Variants in NUGGC observed in about 807,000 individuals in gnomAD.
NUGGC encodes nuclear GTPase, germinal center associated.
Under a neutral mutation model 92.6 loss-of-function variants are expected in NUGGC, and 58 were observed. The observed-to-expected ratio is 0.63, with a 90% CI of 0.51 to 0.78. NUGGC has a LOEUF of 0.78. Among genes scored for constraint, NUGGC ranks in the 30% least tolerant of loss-of-function variants. NUGGC has a pLI of 0.00. For synonymous variants in NUGGC, 376 were observed against 366.4 expected (o/e 1.03, Z -0.30); for missense variants, 925 against 964.6 (o/e 0.96, Z 0.54).
At chr8:28,081,793 G>A (rs1448837396) in intron 1 of NUGGC, among the ~76,000 whole-genome samples, 1 of 151,574 alleles carries the variant, frequency 6.6e-6, no homozygotes, top group Non-Finnish European at 1.5e-5. Flanking sequence ...CAGAGGAATC[G>A]CTTGAACCCG....
chr8:28,048,947 G>C (rs1173715622), intron 10 of NUGGC, among the ~76,000 whole-genome samples: 1 of 151,284 alleles, frequency 6.6e-6, no homozygotes, highest in Non-Finnish European at 1.5e-5. Context: ...TCGTGGAGAA[G>C]TCATACTAGA....
chr8:28,061,834 T>C (rs1045375179), intron 7 of NUGGC, among the ~76,000 whole-genome samples: 3 of 152,268 alleles, frequency 2.0e-5, no homozygotes, highest in Non-Finnish European at 4.4e-5. Flanking sequence ...CTAAACATTC[T>C]TCAATGCCCA....
chr8:28,025,443 T>C (rs1448337079), intron 18 of NUGGC, among the ~76,000 whole-genome samples: 1 of 151,974 alleles, frequency 6.6e-6, no homozygotes, highest in African/African-American at 2.4e-5. Context: ...AGAGACAGAG[T>C]GGTTATTCAG....
intron 1 of NUGGC, among the ~76,000 whole-genome samples, chr8:28,080,930 A>G (rs1428191287): frequency 6.6e-6 from 1 of 152,134 alleles, no homozygotes; most frequent in Non-Finnish European, 1.5e-5. Context: ...CCTGCTCCCA[A>G]TCTTCAATGC....
In NUGGC at chr8:28,070,366, A is replaced by T. The variant is rs1248391106; in HGVS notation, c.44-10T>A. On this transcript the variant is annotated splice_polypyrimidine_tract_variant and intron_variant, in intron 2 of 18. Transcript: ENST00000413272. ...TATAAATCATCTTCAACTAGAGATA[A>T]ACAGAGGATATATAAGATTATAGGT... 7.5e-7 allele frequency: 1 copy of T among 1,335,684 alleles called. No homozygotes were observed. Among genetic ancestry groups the T allele is most frequent in the Admixed American group, 2.0e-5 (1 of 50,256 alleles). The allele number at this position is 1,335,684 out of a possible 1,614,324, so 82.7% of individuals were successfully genotyped here. A position where few individuals can be genotyped will look rare whatever the true frequency, so the allele number is the denominator to read the frequency against.
chr8:28,051,260 AAATGCTAAAGGGAGT>A (rs1809994154), intron 10 of NUGGC, among the ~76,000 whole-genome samples: 2 of 152,208 alleles, frequency 1.3e-5, no homozygotes, highest in South Asian at 4.1e-4. Context: ...AATGTTTTTT[AAATGCTAAAGGGAGT>A]AATGCTAAAG....
chr8:28,038,056 CA>C (rs1809600769), intron 13 of NUGGC, among the ~76,000 whole-genome samples: 1 of 152,146 alleles, frequency 6.6e-6, no homozygotes. Context: ...GAATGGGGCC[CA>C]TGGAGGCACT....
chr8:28,024,837 C>T (rs1015434606), intron 18 of NUGGC, among the ~76,000 whole-genome samples: 4 of 152,182 alleles, frequency 2.6e-5, no homozygotes, highest in African/African-American at 7.2e-5. Context: ...GACGCTTCCC[C>T]GCGTCCCAGC....
chr8:28,074,063 T>A (rs1331990194), intron 2 of NUGGC, among the ~76,000 whole-genome samples: 1 of 151,974 alleles, frequency 6.6e-6, no homozygotes, highest in East Asian at 1.9e-4. Context: ...CCTCCCAAAT[T>A]GCTGGGATTA....
rs1281870278 is a variant in NUGGC at position 28,060,566 on chromosome 8, G to A, written c.957C>T (p.Ser319=). 19 of 1,613,084 alleles carry A rather than the reference G, an allele frequency of 1.2e-5. No homozygotes were observed. The highest frequency in any genetic ancestry group is 2.2e-5 in the East Asian group (1 of 44,862). ...GCCCCCCAGAAACTCGCTCTATGTC[G>A]CTGATCACCCAGATCACTGAGCACT... ...IDKCSVIWVI[S]DIERVSGGQA... is the part of the protein sequence containing the mutation. Residue 319 remains serine, a synonymous_variant, in exon 8 of 19, where the codon AGC becomes AGT. Transcript: ENST00000413272.
intron 7 of NUGGC, among the ~76,000 whole-genome samples, chr8:28,061,642 C>G (rs114272650): frequency 2.0e-5 from 3 of 152,192 alleles, no homozygotes; most frequent in Non-Finnish European, 4.4e-5. Flanking sequence ...GTTTACTGAA[C>G]AATTGGTAAG....
intron 13 of NUGGC, among the ~76,000 whole-genome samples, chr8:28,036,385 C>T (rs556967502): frequency 6.6e-6 from 1 of 151,966 alleles, no homozygotes; most frequent in East Asian, 1.9e-4. Flanking sequence ...TATCACTGTC[C>T]TTCTCTCCAC....
chr8:28,042,447 A>AG (rs1809723358), intron 12 of NUGGC, among the ~76,000 whole-genome samples: 1 of 152,062 alleles, frequency 6.6e-6, no homozygotes, highest in Non-Finnish European at 1.5e-5. Context: ...TATTCCCCAA[A>AG]CATGCTGTCA....
chr8:28,078,631 G>T (rs922412098), intron 1 of NUGGC, among the ~76,000 whole-genome samples: 1 of 152,180 alleles, frequency 6.6e-6, no homozygotes, highest in Non-Finnish European at 1.5e-5. Flanking sequence ...TTAGATGGGT[G>T]CTAAAAAGAC....
intron 10 of NUGGC, among the ~76,000 whole-genome samples, chr8:28,052,141 A>G (rs1810022774): frequency 6.6e-6 from 1 of 152,156 alleles, no homozygotes; most frequent in East Asian, 1.9e-4. Flanking sequence ...TCAAATCCAT[A>G]ACTACATTGT....
chr8:28,048,761 G>C (rs1809909318), intron 10 of NUGGC, among the ~76,000 whole-genome samples: 1 of 151,430 alleles, frequency 6.6e-6, no homozygotes, highest in African/African-American at 2.4e-5. Flanking sequence ...TACTCGGGAG[G>C]CTGAGACAAG....
At chr8:28,072,527 TAAAACAAGGGCCAAGTCCACACATC>T (rs1810614924) in intron 2 of NUGGC, among the ~76,000 whole-genome samples, 1 of 152,170 alleles carries the variant, frequency 6.6e-6, no homozygotes, top group South Asian at 2.1e-4. Context: ...GCCATGTGTA[TAAAACAAGGGCCAAGTCCACACATC>T]CAGGGCCCTT....
intron 1 of NUGGC, among the ~76,000 whole-genome samples, chr8:28,081,483 G>A (rs570904562): frequency 6.6e-6 from 1 of 152,276 alleles, no homozygotes; most frequent in African/African-American, 2.4e-5. Flanking sequence ...GGCCACGTCT[G>A]TTAGTCTTTG....
chr8:28,049,266 C>G (rs1301615911), intron 10 of NUGGC, among the ~76,000 whole-genome samples: 1 of 152,012 alleles, frequency 6.6e-6, no homozygotes, highest in East Asian at 1.9e-4. Flanking sequence ...ATAGAGTGAG[C>G]TGAAGTTGCA....
Sources: allele counts gnomAD v4.1 joint callset (sites outside exome capture counted in the v4.1 genomes callset), GRCh38; gene constraint gnomAD v4.1.1; transcripts MANE v1.5; gene names NCBI Gene and HGNC (gene_info 2026-07-23, HGNC 2026-07-21).